The following IGFL4 variants were observed in gnomAD, a reference collection of about 807,000 sequenced individuals.
IGFL4 encodes the protein IGF like family member 4, also known as insulin growth factor-like family member 4.
IGFL4 carries 12 observed loss-of-function variants against 15.4 expected under a neutral mutation model. The observed-to-expected ratio is 0.78, with a 90% CI of 0.50 to 1.26. IGFL4 has a LOEUF of 1.26. IGFL4 is among the 50% of genes most tolerant of loss of function. The pLI is 0.00. For synonymous variants in IGFL4, 54 were observed against 55.9 expected, an observed-to-expected ratio of 0.97 and a Z score of 0.16; for missense variants, 126 against 147.8, an observed-to-expected ratio of 0.85 and a Z score of 0.76.
At chr19:46,045,203 G>A (rs1969286507), upstream of IGFL4, among the ~76,000 whole-genome samples, 1 of 152,118 alleles carries the variant, frequency 6.6e-6, no homozygotes, top group African/African-American at 2.4e-5. Context: ...CCAGCACTTT[G>A]GGAGGCCGAG....
At chr19:46,068,623 A>C (rs1485634034) in intron 1 of IGFL4, among the ~76,000 whole-genome samples, 2 of 152,172 alleles carry the variant, frequency 1.3e-5, no homozygotes, top group Admixed American at 1.3e-4. Flanking sequence ...TGGTGCACAC[A>C]CAGATAGAAT....
At chr19:46,059,693 C>G (rs1969426755) in intron 2 of IGFL4, 1 of 152,148 alleles carries the variant, frequency 6.6e-6, no homozygotes, top group African/African-American at 2.4e-5. Flanking sequence ...CATGGCAAAA[C>G]CAATTTGCTT....
chr19:46,067,168 A>G (rs1350717520), intron 1 of IGFL4, among the ~76,000 whole-genome samples: 2 of 152,228 alleles, frequency 1.3e-5, no homozygotes, highest in South Asian at 2.1e-4. Flanking sequence ...CACAGCAAAC[A>G]GAAGCCAAAC....
At chr19:46,074,165 A>AG (rs1001055565) in intron 1 of IGFL4, among the ~76,000 whole-genome samples, 1 of 151,856 alleles carries the variant, frequency 6.6e-6, no homozygotes, top group East Asian at 1.9e-4. Context: ...GGAATTGGCT[A>AG]GGGGGGTCTT....
intron 1 of IGFL4, among the ~76,000 whole-genome samples, chr19:46,065,440 C>T (rs1235813800): frequency 6.6e-6 from 1 of 152,214 alleles, no homozygotes; most frequent in Non-Finnish European, 1.5e-5. Flanking sequence ...TCCCAAGTAG[C>T]TGGAAATACA....
intron 2 of IGFL4, among the ~76,000 whole-genome samples, chr19:46,054,843 G>A (rs971576166): frequency 3.9e-5 from 6 of 152,200 alleles, no homozygotes; most frequent in Admixed American, 3.9e-4. Context: ...AAAGTTGGAA[G>A]ATAAAGGAAG....
intron 1 of IGFL4, among the ~76,000 whole-genome samples, chr19:46,075,137 A>T (rs1969583150): frequency 6.6e-6 from 1 of 152,256 alleles, no homozygotes; most frequent in South Asian, 2.1e-4. Context: ...AGAAGCTAGT[A>T]TAAAAAGCTT....
At chr19:46,059,552 C>A (rs931303382) in intron 2 of IGFL4, 3 of 152,048 alleles carry the variant, frequency 2.0e-5, no homozygotes, top group Admixed American at 6.6e-5. Context: ...CAGGAATAAG[C>A]AGTCAGTCTA....
Position 46,040,823 on chromosome 19 carries a change from G to T in IGFL4, c.19+121C>A. ...ATGCAGTCACAGATGACATAGCAGT[G>T]ATTATGAGGTGGGACACCAATAATT... is the stretch of plus-strand genomic sequence containing the variant. On this transcript the variant is annotated intron_variant, in intron 1 of 3. Coordinates refer to ENST00000377697, the MANE Select transcript of IGFL4 (RefSeq NM_001002923.3). The surrounding 1 kb of genome is among the most constrained non-coding windows in gnomAD (Gnocchi z 4.1). 9.8e-7 allele frequency: 1 copy of T among 1,015,834 alleles called. No homozygotes were observed. The highest frequency in any genetic ancestry group is 1.5e-6 in the Non-Finnish European group (1 of 663,270). 62.9% of individuals were successfully genotyped at this position (1,015,834 alleles called of 1,614,324 possible).
chr19:46,048,609 C>G (rs942347448), intron 2 of IGFL4, among the ~76,000 whole-genome samples: 5 of 152,080 alleles, frequency 3.3e-5, no homozygotes, highest in Non-Finnish European at 5.9e-5. Flanking sequence ...TGCTAGCATT[C>G]CTATACACCA....
chr19:46,043,991 G>C (rs1969273186), upstream of IGFL4, among the ~76,000 whole-genome samples: 1 of 152,132 alleles, frequency 6.6e-6, no homozygotes, highest in Admixed American at 6.6e-5. Context: ...AGTGAATTCA[G>C]CATCTTCAAC....
chr19:46,043,768 A>T (rs974963756), upstream of IGFL4, among the ~76,000 whole-genome samples: 1 of 152,226 alleles, frequency 6.6e-6, no homozygotes, highest in African/African-American at 2.4e-5. Flanking sequence ...CAAAGCTTAC[A>T]CTTCCTACAA....
At chr19:46,043,953 G>A (rs530180071), upstream of IGFL4, among the ~76,000 whole-genome samples, 25 of 152,296 alleles carry the variant, frequency 1.6e-4, no homozygotes, top group Non-Finnish European at 3.1e-4. Context: ...GTGGTCCACC[G>A]CACTCACAGA....
intron 1 of IGFL4, among the ~76,000 whole-genome samples, chr19:46,072,920 C>G (rs568236026): frequency 9.7e-4 from 148 of 152,056 alleles, no homozygotes; most frequent in African/African-American, 3.4e-3. Context: ...AGTTAAACCC[C>G]GTAGTTAATG....
At chr19:46,075,026 A>G (rs145989028) in intron 1 of IGFL4, among the ~76,000 whole-genome samples, 68 of 152,352 alleles carry the variant, frequency 4.5e-4, no homozygotes, top group Middle Eastern at 6.8e-3. Flanking sequence ...AATGGGAAGA[A>G]CAGAAAGAAT....
At chr19:46,053,663 T>C (rs889299799) in intron 2 of IGFL4, among the ~76,000 whole-genome samples, 1 of 152,294 alleles carries the variant, frequency 6.6e-6, no homozygotes, top group African/African-American at 2.4e-5. Flanking sequence ...CTGGATGATA[T>C]AGTGGTTGTT....
At chr19:46,049,890 C>T (rs185009799) in intron 2 of IGFL4, among the ~76,000 whole-genome samples, 391 of 152,294 alleles carry the variant, frequency 2.6e-3, no homozygotes, top group South Asian at 6.2e-3. Context: ...CACATACAGC[C>T]AAGGACCCTC....
chr19:46,050,625 A>G (rs1284998433), intron 2 of IGFL4, among the ~76,000 whole-genome samples: 1 of 152,200 alleles, frequency 6.6e-6, no homozygotes. Flanking sequence ...GACAAAGAAA[A>G]AAGAATTTTA....
upstream of IGFL4, among the ~76,000 whole-genome samples, chr19:46,077,425 C>G (rs1172115268): frequency 6.6e-6 from 1 of 152,060 alleles, no homozygotes; most frequent in Non-Finnish European, 1.5e-5. The surrounding 1 kb of genome is among the most constrained non-coding windows in gnomAD (Gnocchi z 5.4). Context: ...GAACTTGGAC[C>G]GCCTGACATT....
Sources: gnomAD v4.1 joint callset for allele counts (sites outside exome capture counted in the v4.1 genomes callset) on GRCh38, gnomAD v4.1.1 for gene constraint, Gnocchi (gnomAD v3.1) non-coding constraint, MANE v1.5 for transcripts, NCBI Gene and HGNC (gene_info 2026-07-23, HGNC 2026-07-21) for gene names.